LSAMP: variants seen among roughly 807,000 people sequenced by gnomAD.
LSAMP encodes the protein limbic system-associated membrane protein.
Under a neutral mutation model 38.6 loss-of-function variants are expected in LSAMP, and 7 were observed. That is an observed-to-expected ratio of 0.18 (90% CI 0.10 to 0.34). LSAMP has a LOEUF of 0.34. Ranked by LOEUF, LSAMP falls within the 10% of genes least tolerant of loss-of-function variation. The pLI is 1.00. For missense variants in LSAMP, 313 were observed against 420.0 expected, an observed-to-expected ratio of 0.75 and a Z score of 2.23; for synonymous variants, 154 against 166.8, an observed-to-expected ratio of 0.92 and a Z score of 0.59.
intron 2 of LSAMP, among the ~76,000 whole-genome samples, chr3:116,031,774 G>T (rs1940931110): frequency 1.3e-5 from 2 of 151,670 alleles, no homozygotes; most frequent in Admixed American, 6.6e-5. Flanking sequence ...GGAGGTTTTA[G>T]AATTTCTTTC....
At chr3:116,261,544 A>G (rs1001899930) in intron 1 of LSAMP, among the ~76,000 whole-genome samples, 3 of 152,138 alleles carry the variant, frequency 2.0e-5, no homozygotes, top group African/African-American at 7.2e-5. Flanking sequence ...ATATCTTTGA[A>G]TTCCATTTTC....
chr3:115,811,879 TGATC>T (rs1173577852), intron 6 of LSAMP, among the ~76,000 whole-genome samples: 2 of 152,198 alleles, frequency 1.3e-5, no homozygotes, highest in African/African-American at 2.4e-5. Context: ...TACAGTGAAA[TGATC>T]GAGGCACAGG....
intron 2 of LSAMP, among the ~76,000 whole-genome samples, chr3:116,060,104 C>T (rs1486195824): frequency 3.9e-5 from 6 of 151,930 alleles, no homozygotes; most frequent in Admixed American, 6.6e-5. Context: ...CTTCCCTTCC[C>T]TTTTGTCTCT....
At chr3:116,220,539 A>C (rs887311404) in intron 1 of LSAMP, among the ~76,000 whole-genome samples, 3 of 152,226 alleles carry the variant, frequency 2.0e-5, no homozygotes, top group African/African-American at 7.2e-5. Context: ...ATTGGGACTT[A>C]GGGACATTTT....
chr3:115,925,609 G>A (rs1394989820), intron 3 of LSAMP, among the ~76,000 whole-genome samples: 2 of 152,120 alleles, frequency 1.3e-5, no homozygotes, highest in Non-Finnish European at 2.9e-5. Context: ...ATGGATCAGA[G>A]GCATTGCAAA....
intron 1 of LSAMP, among the ~76,000 whole-genome samples, chr3:116,172,215 C>A (rs1022261962): frequency 6.6e-6 from 1 of 151,868 alleles, no homozygotes; most frequent in African/African-American, 2.4e-5. Flanking sequence ...GCTGGCCATG[C>A]GCCAATTACA....
chr3:115,872,541 G>A (rs1936071536), intron 3 of LSAMP, among the ~76,000 whole-genome samples: 1 of 152,056 alleles, frequency 6.6e-6, no homozygotes, highest in Admixed American at 6.6e-5. Context: ...CCGACAGCAG[G>A]AGGCCGATAG....
chr3:116,356,543 T>C (rs1425428442), intron 1 of LSAMP, among the ~76,000 whole-genome samples: 1 of 152,182 alleles, frequency 6.6e-6, no homozygotes, highest in Non-Finnish European at 1.5e-5. Context: ...GGTAACTAGT[T>C]AGCAGTAATC....
At chr3:116,279,477 G>A (rs1255498777) in intron 1 of LSAMP, among the ~76,000 whole-genome samples, 2 of 152,184 alleles carry the variant, frequency 1.3e-5, no homozygotes, top group Non-Finnish European at 2.9e-5. Context: ...GCCAGGTGTA[G>A]AAGAGTAGGG....
intron 1 of LSAMP, among the ~76,000 whole-genome samples, chr3:116,340,690 A>AATATC (rs2047980704): frequency 6.6e-6 from 1 of 152,056 alleles, no homozygotes; most frequent in Non-Finnish European, 1.5e-5. Flanking sequence ...TACATATAAA[A>AATATC]ATATCAGTAT....
chr3:115,859,063 G>T (rs1055999970), intron 3 of LSAMP, among the ~76,000 whole-genome samples: 1 of 152,218 alleles, frequency 6.6e-6, no homozygotes, highest in Non-Finnish European at 1.5e-5. Context: ...GATGCCTGCA[G>T]TAGGGTTCTG....
chr3:116,339,545 G>C (rs1006118707), intron 1 of LSAMP, among the ~76,000 whole-genome samples: 2 of 151,848 alleles, frequency 1.3e-5, no homozygotes, highest in African/African-American at 4.8e-5. Context: ...CCATGGGGAA[G>C]TAGGGTCTGC....
chr3:116,003,114 C>T (rs551117143), intron 3 of LSAMP, among the ~76,000 whole-genome samples: 2 of 152,076 alleles, frequency 1.3e-5, no homozygotes, highest in Non-Finnish European at 2.9e-5. Flanking sequence ...TATCTCTTTA[C>T]GGTGTGCAAC....
At chr3:116,372,755 C>G (rs954024933) in intron 1 of LSAMP, among the ~76,000 whole-genome samples, 2 of 150,480 alleles carry the variant, frequency 1.3e-5, no homozygotes, top group Admixed American at 1.3e-4. Context: ...AAAGAAGACA[C>G]AGAAATTACT....
intron 1 of LSAMP, among the ~76,000 whole-genome samples, chr3:116,343,769 G>A (rs1030761211): frequency 3.9e-5 from 6 of 152,052 alleles, no homozygotes; most frequent in Non-Finnish European, 7.4e-5. Flanking sequence ...AAGATGGAAT[G>A]CAGGTCACCC....
chr3:116,421,790 C>A (rs1179547146), intron 1 of LSAMP, among the ~76,000 whole-genome samples: 1 of 152,134 alleles, frequency 6.6e-6, no homozygotes, highest in Non-Finnish European at 1.5e-5. Flanking sequence ...TAAGTGTCGA[C>A]AAGTATATGA....
intron 1 of LSAMP, among the ~76,000 whole-genome samples, chr3:116,444,499 C>T (rs935202033): frequency 1.2e-4 from 18 of 151,414 alleles, no homozygotes; most frequent in African/African-American, 4.4e-4. Context: ...ATTAAGGACC[C>T]CCAACAAAAC....
At chr3:116,422,133 G>A (rs954527417) in intron 1 of LSAMP, among the ~76,000 whole-genome samples, 1 of 152,138 alleles carries the variant, frequency 6.6e-6, no homozygotes, top group Non-Finnish European at 1.5e-5. Flanking sequence ...GCTACAATAT[G>A]CATGAATCTC....
At chr3:115,966,241 A>C (rs1020346391) in intron 3 of LSAMP, among the ~76,000 whole-genome samples, 11 of 152,194 alleles carry the variant, frequency 7.2e-5, no homozygotes, top group Non-Finnish European at 1.5e-4. Flanking sequence ...TTGACAGATA[A>C]ATTTGGGAAT....
Sources: allele counts gnomAD v4.1 joint callset (sites outside exome capture counted in the v4.1 genomes callset), GRCh38; gene constraint gnomAD v4.1.1; transcripts MANE v1.5; gene names NCBI Gene and HGNC (gene_info 2026-07-23, HGNC 2026-07-21).